TGM7: variants seen among roughly 807,000 people sequenced by gnomAD.
TGM7 encodes the protein protein-glutamine gamma-glutamyltransferase Z.
In TGM7, 74 loss-of-function variants were observed where a neutral mutation model predicts 79.5. The observed-to-expected ratio is 0.93, with a 90% confidence interval of 0.77 to 1.13. The LOEUF (loss-of-function observed/expected upper bound fraction) is 1.13. Ranked by LOEUF, TGM7 falls within the 50% of genes most tolerant of loss-of-function variation. TGM7 has a pLI of 0.00. For missense variants in TGM7, 912 were observed against 905.9 expected, an observed-to-expected ratio of 1.01 and a Z score of -0.09; for synonymous variants, 354 against 362.5, an observed-to-expected ratio of 0.98 and a Z score of 0.27.
intron 1 of TGM7, among the ~76,000 whole-genome samples, chr15:43,298,970 C>T (rs1399195667): frequency 1.3e-5 from 2 of 149,824 alleles, no homozygotes; most frequent in African/African-American, 4.9e-5. Context: ...TTGATTCCAA[C>T]AAAGAGGGCA....
At chr15:43,281,147 G>A (rs193010166) in intron 9 of TGM7, among the ~76,000 whole-genome samples, 1 of 152,326 alleles carries the variant, frequency 6.6e-6, no homozygotes, top group Admixed American at 6.5e-5. Flanking sequence ...GCTTTCTATG[G>A]ACACTCATTT....
At chr15:43,282,444 C>G in intron 8 of TGM7, 73 bp downstream of exon 8, 6 of 1,353,580 alleles carry the variant, frequency 4.4e-6, no homozygotes, top group Non-Finnish European at 6.2e-6. Flanking sequence ...TCCCTGGTCT[C>G]CTGCTCCCAC....
In TGM7 at chr15:43,279,886, A is replaced by C; in HGVS notation, c.1417T>G (p.Ser473Ala). ...SRKMLGPQRA[S>A]LPFLDLLESG... is the part of the protein sequence containing the mutation. ...TCCAGGAGATCCAGGAAGGGCAAAGAAGCTCTTTGGGGGCCCAGCATTTTC... is the reference window on the plus strand; with the variant it reads ...TCCAGGAGATCCAGGAAGGGCAAAGCAGCTCTTTGGGGGCCCAGCATTTTC... Residue 473 changes from serine to alanine, a missense_variant, in exon 10 of 13, where the codon TCT becomes GCT. By Grantham distance (99) the Ser-to-Ala change is moderately conservative (BLOSUM62 1). Coordinates refer to ENST00000452443, the MANE Select transcript of TGM7 (RefSeq NM_052955.3). 4 of 1,614,198 alleles carry C rather than the reference A, an allele frequency of 2.5e-6. No homozygotes were observed. Among genetic ancestry groups the C allele is most frequent in the Non-Finnish European group, 3.4e-6 (4 of 1,180,030 alleles).
rs200657504 is a variant in TGM7 at position 43,279,261 on chromosome 15, G to A, written c.1695C>T (p.Leu565=). The A allele has an allele frequency of 6.2e-7, 1 of 1,614,144 alleles. No homozygotes were observed. The highest frequency in any genetic ancestry group is 2.2e-5 in the East Asian group (1 of 44,896). Residue 565 remains leucine, a synonymous_variant, in exon 11 of 13, where the codon CTC becomes CTT. Transcript: ENST00000452443. The part of the protein sequence containing the change: ...LDFGKETQWP[L]LLPYSNYRNK... ...TTCTGTAATTGCTGTAGGGCAGGAG[G>A]AGCGGCCACTGTGTCTCTAAGCACA... is the stretch of plus-strand genomic sequence containing the variant.
In TGM7 at chr15:43,293,606, G is replaced by A. The variant is rs1004565897; in HGVS notation, c.36C>T (p.Val12=). The change falls in exon 2 of 13, where the codon GTC becomes GTT. Residue 12 remains valine, a synonymous_variant. Transcript: ENST00000452443. Reference sequence around the variant, plus strand: ...TGTTGTTCCTGGAGCTCTGCAGGTCGACAGACTCAAGCCGCAAGGTTGCCA... The same window carrying A: ...TGTTGTTCCTGGAGCTCTGCAGGTCAACAGACTCAAGCCGCAAGGTTGCCA... ...DQVATLRLES[V]DLQSSRNNKE... 1.9e-6 allele frequency: 3 copies of A among 1,607,888 alleles called. No homozygotes were observed. Among genetic ancestry groups the A allele is most frequent in the Non-Finnish European group, 2.5e-6 (3 of 1,178,544 alleles).
rs944693978 is a variant in TGM7 at position 43,282,642 on chromosome 15, C to A, written c.1005-22G>T. 58 of 1,567,772 alleles carry A rather than the reference C, an allele frequency of 3.7e-5. No homozygotes were observed. In the Admixed American group the frequency reaches 1.1e-3, roughly 29 times the overall value. On this transcript the variant is annotated intron_variant, in intron 7 of 12. Coordinates refer to ENST00000452443, the MANE Select transcript of TGM7 (RefSeq NM_052955.3). ...GTTCCTGCAGGAGGGAGTAAGGAGA[C>A]AAGGATTCATGTTAGCTGAGGTTTT...
Position 43,276,313 on chromosome 15 carries a change from G to T in TGM7, c.*142C>A. ...GACATCTTTATTGTCTCTTCCCAAA[G>T]CACACGGTGTTTCTAACAGAGCTTC... On this transcript the variant is annotated 3_prime_UTR_variant, in exon 13 of 13. Coordinates refer to ENST00000452443, the MANE Select transcript of TGM7 (RefSeq NM_052955.3). The T allele has an allele frequency of 1.0e-6, 1 of 980,224 alleles. No individual in the cohort carries two copies. The highest frequency in any genetic ancestry group is 1.5e-6 in the Non-Finnish European group (1 of 663,698). The allele number at this position is 980,224 out of a possible 1,614,324, so 60.7% of individuals were successfully genotyped here. A position where few individuals can be genotyped will look rare whatever the true frequency, so the allele number is the denominator to read the frequency against.
Position 43,284,913 on chromosome 15 carries a change from T to C in TGM7, c.905A>G (p.Asn302Ser), listed in dbSNP as rs1279408166. Residue 302 changes from asparagine to serine, a missense_variant, in exon 7 of 13, where the codon AAT becomes AGT. Transcript: ENST00000452443. ...CLGVPTRVVS[N>S]FRSAHNVDRN... ...ATCCACGTTGTGCGCGGAACGGAAA[T>C]TGGAAACAACACGGGTTGGAACACC... is the stretch of plus-strand genomic sequence containing the variant. 3.1e-6 allele frequency: 5 copies of C among 1,614,130 alleles called. No homozygotes were observed. Among genetic ancestry groups the C allele is most frequent in the South Asian group, 2.2e-5 (2 of 91,078 alleles).
At chr15:43,288,755 C>T (rs182834474) in intron 4 of TGM7, among the ~76,000 whole-genome samples, 1 of 152,226 alleles carries the variant, frequency 6.6e-6, no homozygotes, top group East Asian at 1.9e-4. Flanking sequence ...CACGGTGAAA[C>T]CCCGTCTCTA....
chr15:43,295,003 G>C (rs528690611), intron 1 of TGM7, among the ~76,000 whole-genome samples: 1 of 152,086 alleles, frequency 6.6e-6, no homozygotes, highest in Non-Finnish European at 1.5e-5. Context: ...CTGGGCTCAA[G>C]TGATCCTCCC....
intron 7 of TGM7, among the ~76,000 whole-genome samples, chr15:43,283,001 G>C (rs2042917081): frequency 6.6e-6 from 1 of 152,174 alleles, no homozygotes; most frequent in Non-Finnish European, 1.5e-5. Flanking sequence ...AGTGAGCCAA[G>C]ATGGCACCGC....
intron 7 of TGM7, among the ~76,000 whole-genome samples, chr15:43,283,097 T>C (rs1420913174): frequency 6.6e-6 from 1 of 152,152 alleles, no homozygotes; most frequent in African/African-American, 2.4e-5. Context: ...ATCTACCCAA[T>C]TCATCTGTTG....
intron 1 of TGM7, among the ~76,000 whole-genome samples, chr15:43,293,844 CG>C (rs1300651658): frequency 2.7e-5 from 1 of 37,136 alleles, no homozygotes. Flanking sequence ...GTGGGGTGTG[CG>C]GGGGGGTGGG....
At position 43,282,096 on chromosome 15, in the gene TGM7, C is replaced by A. The variant is rs1342400163; in HGVS notation, c.1109-10G>T. 1 of 1,613,288 alleles carries A rather than the reference C, an allele frequency of 6.2e-7. No individual in the cohort carries two copies. Among genetic ancestry groups the A allele is most frequent in the East Asian group, 2.2e-5 (1 of 44,864 alleles). ...CCACAGCAGAACAGCCCTGTGGAGG[C>A]AACAGGCTACTGATATGGGGGCCAG... On this transcript the variant is annotated splice_polypyrimidine_tract_variant and intron_variant, in intron 8 of 12. Transcript: ENST00000452443.
At chr15:43,292,553 C>A (rs1388553536) in intron 3 of TGM7, among the ~76,000 whole-genome samples, 156 bp downstream of exon 3, 1 of 152,192 alleles carries the variant, frequency 6.6e-6, no homozygotes, top group Non-Finnish European at 1.5e-5. Flanking sequence ...TTTCCTCATG[C>A]CATTAGAAAT....
rs372539473 is a variant in TGM7, at chr15:43,287,316, C to G, written c.829G>C (p.Gly277Arg). 2.5e-6 allele frequency: 4 copies of G among 1,613,828 alleles called. No individual in the cohort carries two copies. Among genetic ancestry groups the G allele is most frequent in the Admixed American group, 1.7e-5 (1 of 59,996 alleles). Residue 277 changes from glycine to arginine, a missense_variant, in exon 6 of 13, where the codon GGA becomes CGA. Gly to Arg is a moderately radical substitution (Grantham distance 125). Transcript: ENST00000452443. ...ACAGAGGCGAAGACCCAGCACTGTC[C>G]GTACTTCACAGGCTGCCCGCCCCTG... ...SARGGQPVKYGQCWVFASVMC... is the reference protein window; with the variant it reads ...SARGGQPVKYRQCWVFASVMC...
At chr15:43,277,112 T>A in intron 11 of TGM7, 117 bp from the exon 12 acceptor site, 3 of 1,331,296 alleles carry the variant, frequency 2.3e-6, no homozygotes, top group Non-Finnish European at 2.1e-6. Flanking sequence ...TTAGAGCTAA[T>A]GTGCCACAGT....
chr15:43,279,074 G>C, intron 11 of TGM7, 43 bp downstream of exon 11: 1 of 1,579,836 alleles, frequency 6.3e-7, no homozygotes, highest in African/African-American at 1.4e-5. Context: ...TGGATTGGGT[G>C]AGTCAGAGAG....
At chr15:43,287,213 T>G in intron 6 of TGM7, 67 bp downstream of exon 6, 1 of 1,532,136 alleles carries the variant, frequency 6.5e-7, no homozygotes, top group Non-Finnish European at 8.8e-7. Flanking sequence ...TGAACCTTTA[T>G]GAGCCACAGT....
Sources: gnomAD v4.1 joint callset for allele counts (sites outside exome capture counted in the v4.1 genomes callset) on GRCh38, gnomAD v4.1.1 for gene constraint, MANE v1.5 for transcripts, NCBI Gene and HGNC (gene_info 2026-07-23, HGNC 2026-07-21) for gene names.